The following TARS3 variants were observed in gnomAD, a reference collection of about 807,000 sequenced individuals.
TARS3 encodes threonyl-tRNA synthetase 3.
Under a neutral mutation model 103.5 loss-of-function variants are expected in TARS3, and 94 were observed. That is an observed-to-expected ratio of 0.91 (90% CI 0.77 to 1.08). The LOEUF (loss-of-function observed/expected upper bound fraction) is 1.08, where lower values mean the gene tolerates loss of function less well. Among genes scored for constraint, TARS3 ranks in the 50% least tolerant of loss-of-function variants. The pLI, the probability that TARS3 is intolerant of heterozygous loss-of-function variation, is 0.00. For synonymous variants in TARS3, 416 were observed against 355.4 expected, an observed-to-expected ratio of 1.17 and a Z score of -1.92; for missense variants, 952 against 995.2, an observed-to-expected ratio of 0.96 and a Z score of 0.58.
intron 10 of TARS3, among the ~76,000 whole-genome samples, chr15:101,692,703 G>T (rs7181291): frequency 0.044 from 6,660 of 151,918 alleles, 234 homozygotes; most frequent in South Asian, 0.14. Context: ...TAGTGATGGA[G>T]GGGAAGGGAT....
chr15:101,665,194 A>G (rs760047648), intron 15 of TARS3, among the ~76,000 whole-genome samples: 1 of 152,184 alleles, frequency 6.6e-6, no homozygotes. Flanking sequence ...AAAACAATAC[A>G]ACGTTTGCAA....
At chr15:101,704,470 T>C (rs530265900) in intron 7 of TARS3, among the ~76,000 whole-genome samples, 1 of 151,998 alleles carries the variant, frequency 6.6e-6, no homozygotes, top group African/African-American at 2.4e-5. Context: ...CTCGCCAACA[T>C]AGTGAAACCC....
chr15:101,692,970 TAAC>T lies in TARS3; in HGVS notation c.1321-6911_1321-6909del, dbSNP rs143507015. Among the ~76,000 whole-genome samples, 723 of 152,002 alleles carry T rather than the reference TAAC, an allele frequency of 4.8e-3. 40 individuals are homozygous for T. The East Asian group carries it at 0.13, about 27-fold the overall frequency. On this transcript the variant is annotated intron_variant, in intron 10 of 18. Coordinates refer to ENST00000335968, the MANE Select transcript of TARS3 (RefSeq NM_152334.3). The stretch of plus-strand genomic sequence containing the variant: ...AAATTCCCCAAGTGGGTTATTAATA[TAAC>T]AACAAGAGAAGCCACTCCCCTCCCC...
At position 101,711,865 on chromosome 15, in the gene TARS3, T is replaced by G. The variant is rs1188239488; in HGVS notation, c.812+15A>C. On this transcript the variant is annotated intron_variant, in intron 5 of 18. Coordinates refer to ENST00000335968, the MANE Select transcript of TARS3 (RefSeq NM_152334.3). ...TGAAACACATGCATTCACAAGCCAG[T>G]ATTCAGTGTGTTACCTGTCTTCAAT... The G allele has an allele frequency of 3.1e-6, 5 of 1,612,962 alleles. No individual in the cohort carries two copies. The South Asian group carries it at 5.5e-5, about 18-fold the overall frequency.
chr15:101,684,572 G>A (rs944605433), intron 11 of TARS3, among the ~76,000 whole-genome samples: 2 of 152,150 alleles, frequency 1.3e-5, no homozygotes, highest in Non-Finnish European at 2.9e-5. Context: ...GACAGGGCTA[G>A]GCAGTTTCTC....
intron 5 of TARS3, among the ~76,000 whole-genome samples, chr15:101,710,772 C>T (rs896012951): frequency 1.3e-5 from 2 of 152,120 alleles, no homozygotes; most frequent in African/African-American, 2.4e-5. Flanking sequence ...CCATAGTCAT[C>T]CAGGCCAGAG....
intron 10 of TARS3, among the ~76,000 whole-genome samples, chr15:101,693,143 G>C (rs1898803779): frequency 6.6e-6 from 1 of 152,138 alleles, no homozygotes. Flanking sequence ...AAATAGTTTG[G>C]CATTTTCTTA....
chr15:101,685,244 T>C (rs1487805171), intron 11 of TARS3, among the ~76,000 whole-genome samples: 3 of 152,184 alleles, frequency 2.0e-5, no homozygotes, highest in African/African-American at 7.2e-5. Flanking sequence ...TGGACAATTA[T>C]GCCTATTCAG....
chr15:101,701,027 A>T, intron 10 of TARS3, 59 bp downstream of exon 10: 1 of 1,155,212 alleles, frequency 8.7e-7, no homozygotes, highest in Non-Finnish European at 1.2e-6. Flanking sequence ...TTATGAGAGA[A>T]AATAGTAAAA....
In TARS3 at chr15:101,659,458, T is replaced by C. The variant is rs192680946; in HGVS notation, c.2073-1601A>G. On this transcript the variant is annotated intron_variant, in intron 16 of 18. Transcript: ENST00000335968. ...TCAAGGACCCACACTTTAGCCATCTTTACTTTTGGCTCCTGGGGAGATTTC... is the reference window on the plus strand; with the variant it reads ...TCAAGGACCCACACTTTAGCCATCTCTACTTTTGGCTCCTGGGGAGATTTC... Among the ~76,000 whole-genome samples the C allele has an allele frequency of 2.9e-3, 447 of 152,260 alleles. 2 individuals carry two copies. Among genetic ancestry groups the C allele is most frequent in the African/African-American group, 0.01 (422 of 41,556 alleles).
intron 3 of TARS3, 65 bp from the exon 4 acceptor site, chr15:101,715,028 A>G: frequency 6.8e-7 from 1 of 1,469,466 alleles, no homozygotes; most frequent in East Asian, 2.4e-5. Context: ...TTAAAATATT[A>G]AAAGAATTTC....
At chr15:101,673,572 C>T (rs1897902367) in intron 13 of TARS3, among the ~76,000 whole-genome samples, 1 of 152,176 alleles carries the variant, frequency 6.6e-6, no homozygotes, top group Non-Finnish European at 1.5e-5. Flanking sequence ...ATAATTTACT[C>T]ATGGAGATAA....
chr15:101,670,807 A>T (rs779597955), intron 15 of TARS3, among the ~76,000 whole-genome samples: 17 of 152,196 alleles, frequency 1.1e-4, no homozygotes, highest in Non-Finnish European at 2.2e-4. Context: ...AGTCAGTGAC[A>T]GAAAGGAACA....
chr15:101,720,733 G>A (rs904121103), intron 3 of TARS3, among the ~76,000 whole-genome samples: 2 of 152,240 alleles, frequency 1.3e-5, no homozygotes, highest in East Asian at 3.9e-4. Flanking sequence ...TAATCCCCAC[G>A]TTTTGTGGAA....
intron 10 of TARS3, among the ~76,000 whole-genome samples, chr15:101,686,263 A>G (rs551366911): frequency 3.9e-5 from 6 of 152,256 alleles, no homozygotes; most frequent in East Asian, 3.9e-4. Flanking sequence ...TCTATTGAGT[A>G]TATTTATTTT....
At chr15:101,690,125 C>A (rs921248866) in intron 10 of TARS3, among the ~76,000 whole-genome samples, 6 of 152,272 alleles carry the variant, frequency 3.9e-5, no homozygotes, top group African/African-American at 1.4e-4. Flanking sequence ...GTCCTCCAAG[C>A]AAAAGGCAAG....
chr15:101,696,250 C>A, intron 10 of TARS3, among the ~76,000 whole-genome samples: 1 of 145,346 alleles, frequency 6.9e-6, no homozygotes. Flanking sequence ...AGAAGTGGGG[C>A]ACGTTTATCT....
At chr15:101,670,845 T>C (rs144526670) in intron 15 of TARS3, among the ~76,000 whole-genome samples, 12 of 152,316 alleles carry the variant, frequency 7.9e-5, no homozygotes, top group Non-Finnish European at 2.9e-5. Context: ...GAATCATGGA[T>C]GAATCTCCAC....
intron 12 of TARS3, among the ~76,000 whole-genome samples, chr15:101,681,923 GT>G (rs1347115979): frequency 1.3e-5 from 2 of 152,066 alleles, no homozygotes; most frequent in Non-Finnish European, 2.9e-5. Context: ...ATTACAAATT[GT>G]TTCTTATTTG....
Sources: allele counts gnomAD v4.1 joint callset (sites outside exome capture counted in the v4.1 genomes callset), GRCh38; gene constraint gnomAD v4.1.1; transcripts MANE v1.5; gene names NCBI Gene and HGNC (gene_info 2026-07-23, HGNC 2026-07-21).